ADH7: variants seen among roughly 807,000 people sequenced by gnomAD.
The protein encoded by ADH7 is alcohol dehydrogenase 7 (class IV), mu or sigma polypeptide.
Under a neutral mutation model 34.4 loss-of-function variants are expected in ADH7, and 41 were observed. The ratio of observed to expected loss-of-function variants is 1.19; its 90% CI spans 0.93 to 1.55. ADH7 has a LOEUF of 1.55. ADH7 is among the 40% of genes most tolerant of loss of function. The pLI is 0.00. For missense variants in ADH7, 540 were observed against 461.2 expected, an observed-to-expected ratio of 1.17 and a Z score of -1.56; for synonymous variants, 180 against 160.9, an observed-to-expected ratio of 1.12 and a Z score of -0.90.
At chr4:99,432,975 TGAAAATGA>T in intron 1 of ADH7, among the ~76,000 whole-genome samples, 1 of 152,298 alleles carries the variant, frequency 6.6e-6, no homozygotes, top group Middle Eastern at 3.4e-3. Context: ...CACCATGCTC[TGAAAATGA>T]CTTTTTACTT....
At chr4:99,415,657 TA>T (rs1721500673) in intron 7 of ADH7, 41 bp from the exon 8 acceptor site, 1 of 1,583,238 alleles carries the variant, frequency 6.3e-7, no homozygotes, top group Admixed American at 1.8e-5. Context: ...CATTACTAAA[TA>T]ATCCTTATCT....
intron 7 of ADH7, among the ~76,000 whole-genome samples, chr4:99,417,667 G>C (rs1255696707): frequency 6.6e-6 from 1 of 152,034 alleles, no homozygotes; most frequent in Non-Finnish European, 1.5e-5. Context: ...CAGGGACTTG[G>C]TATGTTTTGT....
intron 5 of ADH7, among the ~76,000 whole-genome samples, chr4:99,425,355 A>T (rs964627052): frequency 1.8e-4 from 28 of 152,250 alleles, no homozygotes; most frequent in Admixed American, 1.2e-3. Flanking sequence ...AAATAAAAGG[A>T]TGGAGGAAGA....
chr4:99,419,176 T>C, intron 6 of ADH7, 55 bp from the exon 7 acceptor site: 2 of 1,578,944 alleles, frequency 1.3e-6, no homozygotes, highest in East Asian at 2.3e-5. Flanking sequence ...CAGTGTGACA[T>C]AAGCTCTGAA....
intron 5 of ADH7, among the ~76,000 whole-genome samples, chr4:99,425,916 C>T (rs1485541603): frequency 1.3e-4 from 20 of 152,008 alleles, no homozygotes; most frequent in East Asian, 1.2e-3. Flanking sequence ...CACTCAAAAC[C>T]GCTCAACTAC....
intron 7 of ADH7, among the ~76,000 whole-genome samples, chr4:99,418,173 T>C (rs1247450265): frequency 1.3e-5 from 2 of 152,208 alleles, no homozygotes; most frequent in Non-Finnish European, 2.9e-5. Flanking sequence ...AAAACTCCTC[T>C]TATAATTTGT....
chr4:99,422,388 C>A (rs553526143), intron 5 of ADH7, among the ~76,000 whole-genome samples: 1 of 152,124 alleles, frequency 6.6e-6, no homozygotes, highest in Non-Finnish European at 1.5e-5. Context: ...TCATTCTCAG[C>A]AAACTAACAC....
In ADH7 at chr4:99,427,778, CA is replaced by C; in HGVS notation, c.558del (p.Gly187AlafsTer49). The C allele has an allele frequency of 6.5e-7, 1 of 1,529,716 alleles. No homozygotes were observed. The highest frequency in any genetic ancestry group is 8.8e-7 in the Non-Finnish European group (1 of 1,138,448). The allele number at this position is 1,529,716 out of a possible 1,614,324, so 94.8% of individuals were successfully genotyped here. A position where few individuals can be genotyped will look rare whatever the true frequency, so the allele number is the denominator to read the frequency against. ...TAGCCTACCCTGTTTCTTACCTTGC[CA>C]GTTTTAACAGCAGCGCCATATCCAG... ...FSTGYGAAVKTGKVKPGSTCV... is the reference protein window; with the variant it reads ...FSTGYGAAVKXGKVKPGSTCV... On this transcript the variant is annotated frameshift_variant, in exon 5 of 9. Coordinates refer to ENST00000437033, the MANE Select transcript of ADH7 (RefSeq NM_000673.7). LOFTEE classifies it high-confidence loss of function.
chr4:99,416,438 T>C (rs1560559714), intron 7 of ADH7, among the ~76,000 whole-genome samples: 1 of 152,158 alleles, frequency 6.6e-6, no homozygotes, highest in Non-Finnish European at 1.5e-5. Flanking sequence ...TTATATGAAC[T>C]GTTAGGTATA....
chr4:99,416,339 G>T lies in ADH7; in HGVS notation c.962-723C>A, dbSNP rs149872831. Among the ~76,000 whole-genome samples, 441 of 151,934 alleles carry T rather than the reference G, an allele frequency of 2.9e-3. 1 individual carries two copies. The highest frequency in any genetic ancestry group is 1.0e-2 in the African/African-American group (414 of 41,434). On this transcript the variant is annotated intron_variant, in intron 7 of 8. Transcript: ENST00000437033. The stretch of plus-strand genomic sequence containing the variant: ...CTGAGCCCACTCTGATTACGCTCTT[G>T]CCCCCAGCACTGTCCTGTAATGGAT...
intron 1 of ADH7, among the ~76,000 whole-genome samples, chr4:99,430,942 G>A (rs1721925202): frequency 6.6e-6 from 1 of 152,164 alleles, no homozygotes; most frequent in Admixed American, 6.5e-5. Context: ...GACTACAGGT[G>A]TGTGCCACCA....
Position 99,419,074 on chromosome 4 carries a change from A to G in ADH7, c.873T>C (p.Val291=). 1 of 1,613,886 alleles carries G rather than the reference A, an allele frequency of 6.2e-7. No homozygotes were observed. The highest frequency in any genetic ancestry group is 2.2e-5 in the East Asian group (1 of 44,870). The change falls in exon 7 of 9, where the codon GTT becomes GTC. Residue 291 remains valine (V), a synonymous_variant. Coordinates refer to ENST00000437033, the MANE Select transcript of ADH7 (RefSeq NM_000673.7). ...TCTTGGCTGATGGAGGAACTCCTAC[A>G]ACCACGCTGGTCCCATAGTTCATGT... The part of the protein sequence containing the change: ...SCHMNYGTSV[V]VGVPPSAKML...
At chr4:99,419,975 T>G (rs184295921) in intron 6 of ADH7, among the ~76,000 whole-genome samples, 14 of 152,280 alleles carry the variant, frequency 9.2e-5, no homozygotes, top group African/African-American at 2.4e-4. Context: ...CTCAGATCTG[T>G]TTTACAGGTC....
At chr4:99,416,190 T>C (rs1721511650) in intron 7 of ADH7, among the ~76,000 whole-genome samples, 1 of 152,296 alleles carries the variant, frequency 6.6e-6, no homozygotes, top group Admixed American at 6.5e-5. Flanking sequence ...ACTCTTCTGA[T>C]ACCCACATCT....
chr4:99,430,728 A>G (rs538707380), intron 1 of ADH7, among the ~76,000 whole-genome samples: 6 of 152,310 alleles, frequency 3.9e-5, no homozygotes, highest in Admixed American at 3.3e-4. Flanking sequence ...ATATGGCCCA[A>G]TGTTGACGTT....
At position 99,428,457 on chromosome 4, in the gene ADH7, T is replaced by G. The variant is rs989979811; in HGVS notation, c.259+35A>C. 3 of 1,598,606 alleles carry G rather than the reference T, an allele frequency of 1.9e-6. No homozygotes were observed. The African/African-American group carries it at 4.0e-5, about 22-fold the overall frequency. ...CTTTGATAGGCTAATCAAAGCCTAA[T>G]TATTTCAAACTTGTGGTTTGACACC... On this transcript the variant is annotated intron_variant, in intron 3 of 8. Transcript: ENST00000437033.
intron 5 of ADH7, among the ~76,000 whole-genome samples, chr4:99,423,321 A>G (rs1054203737): frequency 6.6e-6 from 1 of 150,912 alleles, no homozygotes; most frequent in Non-Finnish European, 1.5e-5. Context: ...TATTGTGAAT[A>G]GTGCCGCAAT....
intron 5 of ADH7, among the ~76,000 whole-genome samples, chr4:99,425,899 A>G (rs1721792904): frequency 6.6e-6 from 1 of 152,142 alleles, no homozygotes; most frequent in Admixed American, 6.5e-5. Flanking sequence ...CTCAGGATTA[A>G]GAAACTCACT....
In ADH7 at chr4:99,428,091, T is replaced by G; in HGVS notation, c.343A>C (p.Ser115Arg). ...GTAAAAATGACTGAAACCTACTCGC[T>G]CCTAATGCAAAGGTTGCCATCTGGG... is the stretch of plus-strand genomic sequence containing the variant. ...RNPDGNLCIRSDITGRGVLAD... is the reference protein window; with the variant it reads ...RNPDGNLCIRRDITGRGVLAD... The change falls in exon 4 of 9, where the codon AGC becomes CGC. Residue 115 changes from serine to arginine, a missense_variant. Transcript: ENST00000437033. The G allele has an allele frequency of 6.2e-7, 1 of 1,613,968 alleles. No individual in the cohort carries two copies. The highest frequency in any genetic ancestry group is 2.2e-5 in the East Asian group (1 of 44,880).
Sources: allele counts gnomAD v4.1 joint callset (sites outside exome capture counted in the v4.1 genomes callset), GRCh38; gene constraint gnomAD v4.1.1; transcripts MANE v1.5; gene names NCBI Gene and HGNC (gene_info 2026-07-23, HGNC 2026-07-21).